The following MAD1L1 variants were observed in gnomAD, a reference collection of about 807,000 sequenced individuals.
The protein encoded by MAD1L1 is mitotic spindle assembly checkpoint protein MAD1.
In MAD1L1, 95 loss-of-function variants were observed where a neutral mutation model predicts 96.9. That is an observed-to-expected ratio of 0.98 (90% CI 0.83 to 1.16). The LOEUF is 1.16. Ranked by LOEUF, MAD1L1 falls within the 50% of genes most tolerant of loss-of-function variation. The pLI, the probability that MAD1L1 is intolerant of heterozygous loss-of-function variation, is 0.00. For synonymous variants in MAD1L1, 473 were observed against 396.6 expected (o/e 1.19, Z -2.29); for missense variants, 1,007 against 954.4 (o/e 1.06, Z -0.73).
At chr7:1,887,907 G>C (rs537175088) in intron 18 of MAD1L1, among the ~76,000 whole-genome samples, 1 of 135,442 alleles carries the variant, frequency 7.4e-6, no homozygotes, top group Non-Finnish European at 1.6e-5. Context: ...GTGCATGTGT[G>C]TGCATGCATG....
At chr7:1,941,917 C>T (rs558647770) in intron 16 of MAD1L1, among the ~76,000 whole-genome samples, 3 of 152,236 alleles carry the variant, frequency 2.0e-5, no homozygotes, top group South Asian at 2.1e-4. Context: ...GGCACCTAGT[C>T]GTCTTTCTGT....
intron 11 of MAD1L1, among the ~76,000 whole-genome samples, chr7:2,125,918 G>A (rs925134183): frequency 2.0e-5 from 3 of 152,270 alleles, no homozygotes; most frequent in African/African-American, 7.2e-5. Context: ...GGCATCTGAG[G>A]AAGCAGCCAG....
chr7:1,848,864 CCCA>C (rs1261804679), intron 18 of MAD1L1: 1 of 154,360 alleles, frequency 6.5e-6, no homozygotes, highest in Non-Finnish European at 1.5e-5. Context: ...TTGTGTGCCC[CCCA>C]CCACCAAGGT....
At chr7:1,883,685 T>C (rs560102596) in intron 18 of MAD1L1, among the ~76,000 whole-genome samples, 2 of 152,120 alleles carry the variant, frequency 1.3e-5, no homozygotes, top group East Asian at 3.9e-4. Context: ...GGTCGCGGGG[T>C]CCAAAGCCTG....
intron 13 of MAD1L1, among the ~76,000 whole-genome samples, chr7:2,008,058 G>T (rs140425250): frequency 6.6e-6 from 1 of 152,338 alleles, no homozygotes; most frequent in East Asian, 1.9e-4. Flanking sequence ...GCCAGGGGTG[G>T]CAGGAAACTG....
chr7:2,174,261 G>A (rs1247848490), intron 10 of MAD1L1, among the ~76,000 whole-genome samples: 1 of 152,164 alleles, frequency 6.6e-6, no homozygotes, highest in East Asian at 1.9e-4. Context: ...TTGCTTTACT[G>A]TGCACTAAAT....
chr7:1,900,465 G>C (rs962320085), intron 17 of MAD1L1, among the ~76,000 whole-genome samples: 36 of 152,318 alleles, frequency 2.4e-4, no homozygotes, highest in African/African-American at 8.7e-4. Flanking sequence ...GACGGCCCTG[G>C]GGGACACTGT....
At chr7:2,209,325 G>A (rs922261643) in intron 10 of MAD1L1, among the ~76,000 whole-genome samples, 2 of 152,260 alleles carry the variant, frequency 1.3e-5, no homozygotes, top group African/African-American at 2.4e-5. Context: ...GGGCGAGGCC[G>A]AAGAGCCCTC....
intron 10 of MAD1L1, among the ~76,000 whole-genome samples, chr7:2,158,161 C>G (rs1789930464): frequency 6.6e-6 from 1 of 152,218 alleles, no homozygotes; most frequent in South Asian, 2.1e-4. Flanking sequence ...CTATCTGCAG[C>G]TGAATTTTGA....
intron 12 of MAD1L1, among the ~76,000 whole-genome samples, chr7:2,055,149 G>A (rs529095813): frequency 4.6e-5 from 7 of 152,276 alleles, no homozygotes; most frequent in East Asian, 3.9e-4. Flanking sequence ...GAGGCGGTGC[G>A]TGCCACGACA....
intron 16 of MAD1L1, among the ~76,000 whole-genome samples, chr7:1,947,776 C>G (rs1051307127): frequency 6.6e-6 from 1 of 152,264 alleles, no homozygotes; most frequent in African/African-American, 2.4e-5. Flanking sequence ...CAGCCCTGCC[C>G]TCAGCAGCGG....
chr7:1,838,958 G>A (rs1267381319), intron 18 of MAD1L1: 1 of 384,668 alleles, frequency 2.6e-6, no homozygotes, highest in Non-Finnish European at 5.4e-6. Flanking sequence ...CGGGCTCTGG[G>A]AGGTCAGCAG....
At chr7:2,215,699 G>C (rs1439988756) in intron 9 of MAD1L1, among the ~76,000 whole-genome samples, 186 bp downstream of exon 9, 2 of 152,178 alleles carry the variant, frequency 1.3e-5, no homozygotes, top group African/African-American at 2.4e-5. Flanking sequence ...GCCAGGGAAG[G>C]TGCTGTGTTC....
chr7:1,880,337 G>T (rs1785614512), intron 18 of MAD1L1, among the ~76,000 whole-genome samples: 1 of 152,286 alleles, frequency 6.6e-6, no homozygotes, highest in East Asian at 1.9e-4. Context: ...AGGTCATGAT[G>T]TCTCTGCAGG....
rs181341509 is a variant in MAD1L1, at chr7:2,084,045, G to A, written c.1074-14707C>T. Among the ~76,000 whole-genome samples the A allele has an allele frequency of 2.6e-5, 4 of 152,310 alleles. No homozygotes were observed. The East Asian group carries it at 5.8e-4, about 22-fold the overall frequency. The stretch of plus-strand genomic sequence containing the variant: ...AACTCGGAGAAGAATGCTCACATCC[G>A]AGCCGCCATTCCCTTTCTCGCTATC... On this transcript the variant is annotated intron_variant, in intron 11 of 18. Coordinates refer to ENST00000265854, the MANE Select transcript of MAD1L1 (RefSeq NM_001013836.2).
intron 11 of MAD1L1, among the ~76,000 whole-genome samples, chr7:2,095,441 C>G (rs1233248223): frequency 1.3e-5 from 2 of 152,370 alleles, no homozygotes; most frequent in East Asian, 1.9e-4. Context: ...ACACCCTTAA[C>G]TTCAAATAGC....
rs553127318 is a variant in MAD1L1 at position 1,864,711 on chromosome 7, C to T, written c.1998+33489G>A. Among the ~76,000 whole-genome samples, 3 of 152,276 alleles carry T rather than the reference C, an allele frequency of 2.0e-5. No individual in the cohort carries two copies. The East Asian group carries it at 5.8e-4, about 29-fold the overall frequency. Reference sequence around the variant, plus strand: ...TGGGGCCTAACCGGAGGTGTTTGGCCGTGAGGGTGGGCCCTCGTGAACAGA... The same window carrying T: ...TGGGGCCTAACCGGAGGTGTTTGGCTGTGAGGGTGGGCCCTCGTGAACAGA... On this transcript the variant is annotated intron_variant, in intron 18 of 18. Transcript: ENST00000265854.
chr7:2,042,907 A>G (rs59683493), intron 12 of MAD1L1, among the ~76,000 whole-genome samples: 43,539 of 115,014 alleles, frequency 0.38, 7,584 homozygotes, highest in East Asian at 0.57. Flanking sequence ...CCACGTCCAC[A>G]TCCACGTCCA....
chr7:2,109,888 A>G (rs1052610069), intron 11 of MAD1L1, among the ~76,000 whole-genome samples: 1 of 152,216 alleles, frequency 6.6e-6, no homozygotes, highest in Admixed American at 6.5e-5. Context: ...GTACTTTCTG[A>G]ACACACACAA....
Sources: gnomAD v4.1 joint callset for allele counts (sites outside exome capture counted in the v4.1 genomes callset) on GRCh38, gnomAD v4.1.1 for gene constraint, MANE v1.5 for transcripts, NCBI Gene and HGNC (gene_info 2026-07-23, HGNC 2026-07-21) for gene names.